MAOA: variants seen among roughly 807,000 people sequenced by gnomAD.
MAOA encodes the protein amine oxidase [flavin-containing] A.
MAOA carries 6 observed loss-of-function variants against 42.0 expected under a neutral mutation model. That is an observed-to-expected ratio of 0.14 (90% CI 0.08 to 0.28). The LOEUF (loss-of-function observed/expected upper bound fraction) is 0.28, where lower values mean the gene tolerates loss of function less well. Ranked by LOEUF, MAOA falls within the 10% of genes least tolerant of loss-of-function variation. The probability of loss-of-function intolerance (pLI) is 1.00; values close to 1 mark genes in which losing one functional copy is unlikely to be tolerated. For missense variants in MAOA, 262 were observed against 422.3 expected, an observed-to-expected ratio of 0.62 and a Z score of 3.33; for synonymous variants, 140 against 154.0, an observed-to-expected ratio of 0.91 and a Z score of 0.67.
intron 3 of MAOA, among the ~76,000 whole-genome samples, chrX:43,705,330 A>G (rs755215712): frequency 1.8e-5 from 2 of 112,207 alleles, no homozygotes; most frequent in East Asian, 5.6e-4. Context: ...TTTATGCCCA[A>G]TTGATTTTTG....
At chrX:43,656,195 C>T (rs899152775), upstream of MAOA, 27 of 519,381 alleles carry the variant, frequency 5.2e-5, no homozygotes, top group African/African-American at 6.3e-4. Flanking sequence ...AGGGTTCGCC[C>T]CGCCCACAGT....
chrX:43,705,982 C>T lies in MAOA; in HGVS notation c.307-5890C>T, dbSNP rs2033656414. ...TTAATAAGTGTTGTGCAGGATGGGGCGACATTGGAAACCTCACCCATTGCT... is the reference window on the plus strand; with the variant it reads ...TTAATAAGTGTTGTGCAGGATGGGGTGACATTGGAAACCTCACCCATTGCT... On this transcript the variant is annotated intron_variant, in intron 3 of 14. Coordinates refer to ENST00000338702, the MANE Select transcript of MAOA (RefSeq NM_000240.4). Among the ~76,000 whole-genome samples the T allele has an allele frequency of 3.6e-5, 4 of 112,116 alleles. No homozygotes were observed. In the South Asian group the frequency reaches 1.5e-3, roughly 42 times the overall value.
At chrX:43,733,197 C>T (rs2033895806) in intron 9 of MAOA, among the ~76,000 whole-genome samples, 1 of 112,198 alleles carries the variant, frequency 8.9e-6, no homozygotes, top group African/African-American at 3.2e-5. Flanking sequence ...TCGGTTTTAT[C>T]CTTTTCTCCA....
intron 2 of MAOA, among the ~76,000 whole-genome samples, chrX:43,690,575 G>A (rs1209478385): frequency 1.8e-5 from 2 of 111,251 alleles, no homozygotes; most frequent in Non-Finnish European, 3.8e-5. Flanking sequence ...TTGGCTGTGG[G>A]TTGCTAATTT....
At position 43,745,121 on chromosome X, in the gene MAOA, T is replaced by C. The variant is rs1293200096; in HGVS notation, c.*608T>C. 1 of 120,654 alleles carries C rather than the reference T, an allele frequency of 8.3e-6. No individual in the cohort carries two copies. The highest frequency in any genetic ancestry group is 1.7e-5 in the Non-Finnish European group (1 of 57,828). The allele number at this position is 120,654 out of a possible 1,213,427, so 9.9% of individuals were successfully genotyped here. ...CTGCCTCAGGAATCTCCTGACCACT[T>C]GTAGTCCCTCCGACTTCTCTAGACA... On this transcript the variant is annotated 3_prime_UTR_variant, in exon 15 of 15. Transcript: ENST00000338702.
chrX:43,728,061 TCAA>T, intron 5 of MAOA, 109 bp from the exon 6 acceptor site: 1 of 749,202 alleles, frequency 1.3e-6, no homozygotes, highest in African/African-American at 2.1e-5. Flanking sequence ...AGAGTTTTTT[TCAA>T]TTGCAACAGA....
rs2033188730 is a variant in MAOA, at chrX:43,657,178, T to C, written c.73+764T>C. On this transcript the variant is annotated intron_variant, in intron 1 of 14. Coordinates refer to ENST00000338702, the MANE Select transcript of MAOA (RefSeq NM_000240.4). Reference sequence around the variant, plus strand: ...TGTTTATATATATATATGAACTGTGTTTATATATATATATGAACTGTGTTT... The same window carrying C: ...TGTTTATATATATATATGAACTGTGCTTATATATATATATGAACTGTGTTT... 4.2e-5 allele frequency among the ~76,000 whole-genome samples: 4 copies of C among 96,150 alleles called. No homozygotes were observed. In the South Asian group the frequency reaches 1.6e-3, roughly 38 times the overall value. 83.5% of individuals were successfully genotyped at this position (96,150 alleles called of 115,157 possible).
intron 2 of MAOA, among the ~76,000 whole-genome samples, chrX:43,686,049 G>T (rs2033485203): frequency 1.8e-5 from 2 of 112,103 alleles, no homozygotes; most frequent in Non-Finnish European, 3.8e-5. Context: ...AATTCTAATT[G>T]AAGGCAGCGT....
intron 3 of MAOA, among the ~76,000 whole-genome samples, chrX:43,697,583 T>C (rs1178046277): frequency 8.9e-6 from 1 of 112,319 alleles, no homozygotes; most frequent in Non-Finnish European, 1.9e-5. Flanking sequence ...CTTAATCTCA[T>C]CGAATGAAAA....
chrX:43,670,343 G>C (rs754153866), intron 1 of MAOA, among the ~76,000 whole-genome samples: 3 of 111,524 alleles, frequency 2.7e-5, no homozygotes, highest in Middle Eastern at 4.6e-3. Flanking sequence ...TTTTTGTTTT[G>C]TTTTGTTTGT....
chrX:43,738,001 A>G (rs1775986884), intron 10 of MAOA, among the ~76,000 whole-genome samples: 1 of 112,392 alleles, frequency 8.9e-6, no homozygotes, highest in Non-Finnish European at 1.9e-5. Flanking sequence ...GTCATTGACA[A>G]AAACAGTGGT....
intron 2 of MAOA, 56 bp downstream of exon 2, chrX:43,683,663 C>T (rs2033461663): frequency 2.0e-6 from 2 of 987,273 alleles, no homozygotes; most frequent in Admixed American, 4.4e-5. Flanking sequence ...CTACAAGTGG[C>T]ACCACTGGAA....
chrX:43,678,096 G>GT (rs2033415194), intron 1 of MAOA, among the ~76,000 whole-genome samples: 1 of 111,677 alleles, frequency 9.0e-6, no homozygotes, highest in Admixed American at 9.6e-5. Flanking sequence ...CACACTAGTA[G>GT]TTTGAAACCC....
chrX:43,676,976 G>A (rs1365515896), intron 1 of MAOA, among the ~76,000 whole-genome samples: 1 of 111,592 alleles, frequency 9.0e-6, no homozygotes, highest in Non-Finnish European at 1.9e-5. Flanking sequence ...ATCTGATCAT[G>A]TGTTGTAGAA....
chrX:43,695,473 G>A (rs775372529), intron 3 of MAOA, among the ~76,000 whole-genome samples: 1 of 111,923 alleles, frequency 8.9e-6, no homozygotes, highest in African/African-American at 3.2e-5. Context: ...GCTCACATCT[G>A]TAATCCCAGC....
At chrX:43,735,040 T>A (rs1359037803) in intron 9 of MAOA, among the ~76,000 whole-genome samples, 2 of 112,127 alleles carry the variant, frequency 1.8e-5, no homozygotes, top group Non-Finnish European at 3.8e-5. Flanking sequence ...CTATATCCCA[T>A]AAAGTTCAAT....
chrX:43,711,020 A>G lies in MAOA; in HGVS notation c.307-852A>G, dbSNP rs189140500. Among the ~76,000 whole-genome samples the G allele has an allele frequency of 9.8e-5, 11 of 111,784 alleles. No homozygotes were observed. The East Asian group carries it at 3.1e-3, about 31-fold the overall frequency. ...TCAGCACTTGGCCATGGGGAAAGAA[A>G]ACCCACAGTCTACTTTCTTCTCTAT... is the stretch of plus-strand genomic sequence containing the variant. On this transcript the variant is annotated intron_variant, in intron 3 of 14. Transcript: ENST00000338702.
At chrX:43,671,796 A>G (rs1436832132) in intron 1 of MAOA, among the ~76,000 whole-genome samples, 2 of 98,052 alleles carry the variant, frequency 2.0e-5, no homozygotes, top group Non-Finnish European at 4.1e-5. Context: ...TGTTCCATTG[A>G]TCTATATCTC....
At chrX:43,723,323 A>C (rs2033806349) in intron 5 of MAOA, among the ~76,000 whole-genome samples, 1 of 111,876 alleles carries the variant, frequency 8.9e-6, no homozygotes, top group African/African-American at 3.3e-5. Flanking sequence ...ATCCATGAGC[A>C]TGGAATGTTC....
Sources: allele counts gnomAD v4.1 joint callset (sites outside exome capture counted in the v4.1 genomes callset), GRCh38; gene constraint gnomAD v4.1.1; transcripts MANE v1.5; gene names NCBI Gene and HGNC (gene_info 2026-07-23, HGNC 2026-07-21).